Variants in GLIS3 observed in about 807,000 individuals in gnomAD.
GLIS3 encodes the protein zinc finger protein GLIS3.
In GLIS3, 53 loss-of-function variants were observed where a neutral mutation model predicts 78.6. That is an observed-to-expected ratio of 0.67 (90% CI 0.54 to 0.85). The LOEUF (loss-of-function observed/expected upper bound fraction) is 0.85. Ranked by LOEUF, GLIS3 falls within the 40% of genes least tolerant of loss-of-function variation. The probability of loss-of-function intolerance (pLI) is 0.00; values close to 1 mark genes in which losing one functional copy is unlikely to be tolerated. For missense variants in GLIS3, 1,703 were observed against 1,231.1 expected, an observed-to-expected ratio of 1.38 and a Z score of -5.74; for synonymous variants, 684 against 509.9, an observed-to-expected ratio of 1.34 and a Z score of -4.60.
chr9:3,898,726 C>T lies in GLIS3; in HGVS notation c.2093G>A (p.Gly698Glu), dbSNP rs983698069. The T allele has an allele frequency of 1.9e-6, 3 of 1,614,140 alleles. No individual in the cohort carries two copies. Among genetic ancestry groups the T allele is most frequent in the East Asian group, 4.5e-5 (2 of 44,884 alleles). Residue 698 changes from glycine to glutamate, a missense_variant, in exon 7 of 11, where the codon GGA (glycine) becomes GAA (glutamate). By Grantham distance (98) the Gly-to-Glu change is moderately conservative (BLOSUM62 -2). Coordinates refer to ENST00000381971, the MANE Select transcript of GLIS3 (RefSeq NM_001042413.2). ...GTCAGGCCCGGGTCCAGGGGAGCGT[C>T]CCACGGTCCCTTCAGCAGCAGCATC... ...PRDAAAEGTV[G>E]RSPGPGPDLY... is the part of the protein sequence containing the mutation.
intron 2 of GLIS3, among the ~76,000 whole-genome samples, chr9:4,338,583 A>G (rs1380339780): frequency 1.3e-5 from 2 of 152,118 alleles, no homozygotes; most frequent in African/African-American, 4.8e-5. Context: ...ACTGAATTTC[A>G]AATAGGTCTG....
chr9:4,437,791 T>A, the GLIS3 span, among the ~76,000 whole-genome samples: 5 of 152,322 alleles, frequency 3.3e-5, no homozygotes, highest in Admixed American at 1.3e-4. Flanking sequence ...ACAATGAGGG[T>A]GAGGACCTTT....
intron 6 of GLIS3, among the ~76,000 whole-genome samples, chr9:3,904,114 C>T (rs770219112): frequency 1.3e-5 from 2 of 152,176 alleles, no homozygotes; most frequent in Admixed American, 6.5e-5. Flanking sequence ...TGAGGTGTGA[C>T]TACTGTGCTG....
At chr9:4,245,350 G>C (rs1823707043) in intron 2 of GLIS3, among the ~76,000 whole-genome samples, 1 of 152,196 alleles carries the variant, frequency 6.6e-6, no homozygotes, top group African/African-American at 2.4e-5. Flanking sequence ...CAGTTGCCTA[G>C]GAATCGGAAG....
At chr9:4,018,247 G>C (rs766113899) in intron 4 of GLIS3, among the ~76,000 whole-genome samples, 2 of 152,216 alleles carry the variant, frequency 1.3e-5, no homozygotes, top group African/African-American at 4.8e-5. Flanking sequence ...AATATAAAAT[G>C]AGCAATTAGG....
intron 1 of GLIS3, among the ~76,000 whole-genome samples, chr9:4,348,018 T>C (rs1164503863): frequency 6.6e-6 from 1 of 152,188 alleles, no homozygotes; most frequent in African/African-American, 2.4e-5. Context: ...AAAAACCAAT[T>C]TAAAATGTTC....
chr9:4,375,283 A>C, the GLIS3 span, among the ~76,000 whole-genome samples: 8 of 152,238 alleles, frequency 5.3e-5, no homozygotes, highest in Non-Finnish European at 1.0e-4. Context: ...CAGTAGAAGT[A>C]AAGGAGATCA....
chr9:3,863,389 A>G (rs528719287), intron 8 of GLIS3, among the ~76,000 whole-genome samples: 5 of 152,230 alleles, frequency 3.3e-5, no homozygotes, highest in African/African-American at 1.2e-4. Context: ...GTAAAGAAGA[A>G]ACAGCCGCTG....
chr9:4,297,380 G>C (rs117351716), intron 1 of GLIS3, among the ~76,000 whole-genome samples: 3,865 of 152,262 alleles, frequency 0.025, 76 homozygotes, highest in Middle Eastern at 0.058. Context: ...TCTGGGGCTC[G>C]GTTTCCTCAT....
chr9:4,002,567 G>A (rs910918731), intron 4 of GLIS3, among the ~76,000 whole-genome samples: 1 of 152,082 alleles, frequency 6.6e-6, no homozygotes, highest in Non-Finnish European at 1.5e-5. Context: ...ACTCTGATTT[G>A]TATTAACCTG....
At chr9:4,211,386 ACT>A (rs1274519727) in intron 2 of GLIS3, among the ~76,000 whole-genome samples, 1 of 152,170 alleles carries the variant, frequency 6.6e-6, no homozygotes, top group East Asian at 1.9e-4. Flanking sequence ...ATTCATTCAC[ACT>A]CAGTGCAGAA....
intron 4 of GLIS3, among the ~76,000 whole-genome samples, chr9:4,026,406 G>A (rs1178743545): frequency 6.6e-6 from 1 of 152,098 alleles, no homozygotes; most frequent in East Asian, 1.9e-4. Context: ...CCTACAATGA[G>A]TTTCATTAAC....
chr9:4,335,096 G>C (rs1022325450), intron 2 of GLIS3, among the ~76,000 whole-genome samples: 1 of 151,988 alleles, frequency 6.6e-6, no homozygotes, highest in Non-Finnish European at 1.5e-5. Flanking sequence ...TTTTAGTGGA[G>C]ACGAGGTTTC....
At chr9:4,203,018 T>C (rs1242447120) in intron 2 of GLIS3, among the ~76,000 whole-genome samples, 1 of 152,156 alleles carries the variant, frequency 6.6e-6, no homozygotes, top group Admixed American at 6.5e-5. Flanking sequence ...AAAGAAATTA[T>C]CAGCAAAGAG....
chr9:4,470,463 T>C, the GLIS3 span, among the ~76,000 whole-genome samples: 2 of 152,170 alleles, frequency 1.3e-5, no homozygotes, highest in Non-Finnish European at 1.5e-5. Context: ...TGCAAATCAA[T>C]AAATGTAATC....
chr9:4,066,039 T>TAAAAAAAAAAA (rs398046406), intron 4 of GLIS3, among the ~76,000 whole-genome samples: 1 of 133,332 alleles, frequency 7.5e-6, no homozygotes. Context: ...CCAAAGAATA[T>TAAAAAAAAAAA]AAAAAAAAAA....
intron 9 of GLIS3, among the ~76,000 whole-genome samples, chr9:3,850,630 A>G (rs140627037): frequency 1.2e-3 from 184 of 152,314 alleles, no homozygotes; most frequent in Middle Eastern, 6.8e-3. Context: ...ACAGCACTCT[A>G]CTTGACTTTC....
chr9:4,300,246 A>T (rs868739370), upstream of GLIS3, among the ~76,000 whole-genome samples: 48 of 131,544 alleles, frequency 3.6e-4, no homozygotes, highest in African/African-American at 1.1e-3. Context: ...ACACACACAC[A>T]CTCCCCGTGC....
chr9:3,869,930 C>G (rs1820864710), intron 8 of GLIS3, among the ~76,000 whole-genome samples: 2 of 152,132 alleles, frequency 1.3e-5, no homozygotes, highest in African/African-American at 4.8e-5. Context: ...GAGAGGCTTC[C>G]TGCATCGAGA....
Sources: allele counts gnomAD v4.1 joint callset (sites outside exome capture counted in the v4.1 genomes callset), GRCh38; gene constraint gnomAD v4.1.1; transcripts MANE v1.5; gene names NCBI Gene and HGNC (gene_info 2026-07-23, HGNC 2026-07-21).